The following NSMCE2 variants were observed in gnomAD, a reference collection of about 807,000 sequenced individuals.
NSMCE2 encodes the protein NSE2 SUMO ligase component of SMC5/6 complex.
NSMCE2 carries 24 observed loss-of-function variants against 23.8 expected under a neutral mutation model. The ratio of observed to expected loss-of-function variants is 1.01; its 90% CI spans 0.73 to 1.42. The LOEUF (loss-of-function observed/expected upper bound fraction) is 1.42. Ranked by LOEUF, NSMCE2 falls within the 40% of genes most tolerant of loss-of-function variation. The pLI is 0.00. For synonymous variants in NSMCE2, 92 were observed against 94.1 expected (o/e 0.98, Z 0.13); for missense variants, 284 against 296.5 (o/e 0.96, Z 0.31).
Position 125,256,653 on chromosome 8 carries a change from C to T in NSMCE2, c.418+74397C>T, listed in dbSNP as rs571539030. On this transcript the variant is annotated intron_variant, in intron 5 of 7. Transcript: ENST00000287437. ...TAAAAAAGAAGAGGACTGTTGGGTGCGGTGGCTCACGCCTGTAATCCCAGC... is the reference window on the plus strand; with the variant it reads ...TAAAAAAGAAGAGGACTGTTGGGTGTGGTGGCTCACGCCTGTAATCCCAGC... Among the ~76,000 whole-genome samples the T allele has an allele frequency of 5.9e-5, 9 of 151,690 alleles. 1 individual carries two copies. The highest frequency in any genetic ancestry group is 4.2e-4 in the South Asian group (2 of 4,778).
chr8:125,192,865 G>A (rs1823419879), intron 5 of NSMCE2, among the ~76,000 whole-genome samples: 1 of 152,104 alleles, frequency 6.6e-6, no homozygotes, highest in African/African-American at 2.4e-5. Flanking sequence ...TGATGATGAC[G>A]CGCTCTACTG....
intron 5 of NSMCE2, among the ~76,000 whole-genome samples, chr8:125,230,960 T>G (rs2130945066): frequency 6.6e-6 from 1 of 152,254 alleles, no homozygotes; most frequent in Admixed American, 6.5e-5. Context: ...AAAACAATTT[T>G]TAGAGACCCT....
At chr8:125,147,251 C>T (rs940119899) in intron 3 of NSMCE2, among the ~76,000 whole-genome samples, 1 of 152,134 alleles carries the variant, frequency 6.6e-6, no homozygotes, top group Non-Finnish European at 1.5e-5. Context: ...TATCATATGT[C>T]CTCTTTTATG....
In NSMCE2 at chr8:125,102,301, G is replaced by C; in HGVS notation, c.-14-16G>C. 6.3e-7 allele frequency: 1 copy of C among 1,584,056 alleles called. No homozygotes were observed. Among genetic ancestry groups the C allele is most frequent in the Non-Finnish European group, 8.7e-7 (1 of 1,154,966 alleles). ...TCTGACTTACGAATCTTGTTTCATT[G>C]TGTTTGAAAACTTAGGTACTAATTT... On this transcript the variant is annotated splice_polypyrimidine_tract_variant and intron_variant, in intron 2 of 7. Coordinates refer to ENST00000287437, the MANE Select transcript of NSMCE2 (RefSeq NM_173685.4).
At chr8:125,347,002 C>T (rs532817608) in intron 5 of NSMCE2, among the ~76,000 whole-genome samples, 4 of 152,032 alleles carry the variant, frequency 2.6e-5, no homozygotes, top group African/African-American at 4.8e-5. Context: ...AGGAGTGTGT[C>T]GAAAGAGCCA....
intron 5 of NSMCE2, among the ~76,000 whole-genome samples, chr8:125,235,943 C>T (rs190916469): frequency 2.6e-4 from 40 of 152,168 alleles, no homozygotes; most frequent in Admixed American, 8.5e-4. Flanking sequence ...ATAATGTTAA[C>T]GCAGGAAGAA....
intron 5 of NSMCE2, among the ~76,000 whole-genome samples, chr8:125,321,025 A>T (rs1477200328): frequency 6.6e-6 from 1 of 152,052 alleles, no homozygotes; most frequent in Admixed American, 6.6e-5. Context: ...TCTCACAAGA[A>T]CTCTATCATG....
At chr8:125,152,476 C>G (rs1218042088) in intron 4 of NSMCE2, among the ~76,000 whole-genome samples, 1 of 152,136 alleles carries the variant, frequency 6.6e-6, no homozygotes, top group Non-Finnish European at 1.5e-5. Context: ...AGGGTGAAAA[C>G]CACTGACTTA....
chr8:125,301,854 G>A (rs1365185324), intron 5 of NSMCE2, among the ~76,000 whole-genome samples: 1 of 152,140 alleles, frequency 6.6e-6, no homozygotes, highest in African/African-American at 2.4e-5. Flanking sequence ...AGTAGAGACA[G>A]GGTTTCGCCG....
intron 5 of NSMCE2, among the ~76,000 whole-genome samples, chr8:125,223,550 A>G (rs1045665238): frequency 2.0e-5 from 3 of 152,190 alleles, no homozygotes; most frequent in Admixed American, 6.5e-5. Flanking sequence ...AGGAACTTCC[A>G]TACTGTTTTT....
intron 5 of NSMCE2, among the ~76,000 whole-genome samples, chr8:125,334,863 C>A (rs1461762854): frequency 1.4e-5 from 2 of 146,324 alleles, no homozygotes; most frequent in Non-Finnish European, 3.0e-5. Context: ...TCAAGCAATC[C>A]TCCCACCTCA....
chr8:125,120,590 A>C (rs1005039587), intron 3 of NSMCE2, among the ~76,000 whole-genome samples: 1 of 152,208 alleles, frequency 6.6e-6, no homozygotes, highest in African/African-American at 2.4e-5. Context: ...TGGGCAAGCC[A>C]GAGGTTAAGC....
At chr8:125,198,957 T>C (rs532905352) in intron 5 of NSMCE2, among the ~76,000 whole-genome samples, 1 of 152,302 alleles carries the variant, frequency 6.6e-6, no homozygotes, top group African/African-American at 2.4e-5. Flanking sequence ...TCTTCTAGAT[T>C]TTCTAGTTTA....
chr8:125,146,909 A>G (rs1309356471), intron 3 of NSMCE2, among the ~76,000 whole-genome samples: 2 of 152,028 alleles, frequency 1.3e-5, no homozygotes, highest in African/African-American at 4.8e-5. Flanking sequence ...AAACAAAACA[A>G]AAAAAAACAA....
chr8:125,261,256 G>A (rs888434777), intron 5 of NSMCE2, among the ~76,000 whole-genome samples: 44 of 152,314 alleles, frequency 2.9e-4, no homozygotes, highest in African/African-American at 1.1e-3. Flanking sequence ...ATCCCCTGCT[G>A]TGTTAATCTA....
At chr8:125,339,223 T>C (rs909045016) in intron 5 of NSMCE2, among the ~76,000 whole-genome samples, 1 of 152,156 alleles carries the variant, frequency 6.6e-6, no homozygotes, top group African/African-American at 2.4e-5. Context: ...CTGGTCTCTC[T>C]CCTTGGGGGC....
At chr8:125,291,083 A>G (rs1384506971) in intron 5 of NSMCE2, among the ~76,000 whole-genome samples, 1 of 152,204 alleles carries the variant, frequency 6.6e-6, no homozygotes, top group East Asian at 1.9e-4. Context: ...AAATAAAAAG[A>G]TGTAATTGTG....
Position 125,335,148 on chromosome 8 carries a change from C to T in NSMCE2, c.419-22071C>T, listed in dbSNP as rs2131309633. On this transcript the variant is annotated intron_variant, in intron 5 of 7. Coordinates refer to ENST00000287437, the MANE Select transcript of NSMCE2 (RefSeq NM_173685.4). ...CACAGAGTGAAGTCCCAACAGGACTCTGAGAAGGAAGCCACCCACTCAGAA... is the reference window on the plus strand; with the variant it reads ...CACAGAGTGAAGTCCCAACAGGACTTTGAGAAGGAAGCCACCCACTCAGAA... Among the ~76,000 whole-genome samples, 3 of 152,218 alleles carry T rather than the reference C, an allele frequency of 2.0e-5. No individual in the cohort carries two copies. In the Middle Eastern group the frequency reaches 0.01, roughly 518 times the overall value.
intron 3 of NSMCE2, among the ~76,000 whole-genome samples, chr8:125,109,407 G>T (rs1818622758): frequency 6.6e-6 from 1 of 152,190 alleles, no homozygotes; most frequent in South Asian, 2.1e-4. Flanking sequence ...GGACAACAGA[G>T]AATGGATTGG....
Sources: gnomAD v4.1 joint callset for allele counts (sites outside exome capture counted in the v4.1 genomes callset) on GRCh38, gnomAD v4.1.1 for gene constraint, MANE v1.5 for transcripts, NCBI Gene and HGNC (gene_info 2026-07-23, HGNC 2026-07-21) for gene names.